Variants in ZCCHC14 observed in about 807,000 individuals in gnomAD.
ZCCHC14 encodes the protein zinc finger CCHC-type containing 14, also known as zinc finger CCHC domain-containing protein 14.
Under a neutral mutation model 85.0 loss-of-function variants are expected in ZCCHC14, and 16 were observed. The ratio of observed to expected loss-of-function variants is 0.19; its 90% CI spans 0.13 to 0.29. ZCCHC14 has a LOEUF of 0.29. ZCCHC14 is among the 10% of genes least tolerant of loss of function. The pLI is 1.00. For synonymous variants in ZCCHC14, 775 were observed against 630.7 expected (o/e 1.23, Z -3.43); for missense variants, 1,303 against 1,443.5 (o/e 0.90, Z 1.58).
At chr16:87,430,134 T>G (rs561016527) in intron 3 of ZCCHC14, among the ~76,000 whole-genome samples, 1 of 152,352 alleles carries the variant, frequency 6.6e-6, no homozygotes, top group Admixed American at 6.5e-5. Context: ...CTTCACCTAG[T>G]TTAAAATCAC....
intron 1 of ZCCHC14, among the ~76,000 whole-genome samples, chr16:87,464,786 A>G (rs1911443155): frequency 1.3e-5 from 2 of 152,072 alleles, no homozygotes; most frequent in South Asian, 2.1e-4. Flanking sequence ...TGTTTCCCAG[A>G]AATGCTGTTT....
At position 87,430,526 on chromosome 16, in the gene ZCCHC14, T is replaced by G. The variant is rs187327917; in HGVS notation, c.768+2602A>C. The stretch of plus-strand genomic sequence containing the variant: ...TATCACTTTAACTTGATTTCTTTCT[T>G]TTTTTTTTTTTTTGAGATGCAGTCT... On this transcript the variant is annotated intron_variant, in intron 3 of 12. Coordinates refer to ENST00000671377, the MANE Select transcript of ZCCHC14 (RefSeq NM_015144.3). Among the ~76,000 whole-genome samples the G allele has an allele frequency of 1.3e-3, 194 of 146,932 alleles. 1 individual carries two copies. The highest frequency in any genetic ancestry group is 4.6e-3 in the African/African-American group (189 of 40,694).
At chr16:87,441,747 T>C (rs1249552333) in intron 2 of ZCCHC14, among the ~76,000 whole-genome samples, 1 of 152,256 alleles carries the variant, frequency 6.6e-6, no homozygotes, top group Non-Finnish European at 1.5e-5. Context: ...GGCACTCTTA[T>C]AAAGTTGTTA....
intron 1 of ZCCHC14, among the ~76,000 whole-genome samples, chr16:87,484,524 T>C (rs931281012): frequency 7.9e-5 from 12 of 152,194 alleles, no homozygotes; most frequent in Admixed American, 5.9e-4. Context: ...AAGAACAGCA[T>C]GTATGTAAGA....
intron 1 of ZCCHC14, among the ~76,000 whole-genome samples, chr16:87,478,440 C>T (rs181226516): frequency 3.3e-5 from 5 of 152,140 alleles, no homozygotes; most frequent in Admixed American, 2.6e-4. Flanking sequence ...GGCCTGAGTT[C>T]TCACGTATGA....
chr16:87,483,482 C>A lies in ZCCHC14; in HGVS notation c.570+8187G>T, dbSNP rs373962853. Among the ~76,000 whole-genome samples the A allele has an allele frequency of 1.5e-3, 226 of 151,742 alleles. 3 individuals are homozygous for A. Among genetic ancestry groups the A allele is most frequent in the African/African-American group, 5.1e-3 (210 of 41,362 alleles). On this transcript the variant is annotated intron_variant, in intron 1 of 12. Transcript: ENST00000671377. ...CTCCAGCCTGGGTGACAGAGTGAGA[C>A]TCTGTCTCAAATAAAGTAAAAATTA...
chr16:87,469,215 A>G (rs1298118818), intron 1 of ZCCHC14, among the ~76,000 whole-genome samples: 2 of 152,188 alleles, frequency 1.3e-5, no homozygotes, highest in Non-Finnish European at 2.9e-5. Context: ...ACCCGGCTAT[A>G]ACCACCTTTT....
chr16:87,448,290 A>G (rs377461857), intron 2 of ZCCHC14, among the ~76,000 whole-genome samples: 1 of 152,186 alleles, frequency 6.6e-6, no homozygotes, highest in African/African-American at 2.4e-5. Flanking sequence ...GGCAAGTCCA[A>G]TGTTAGCCTG....
intron 2 of ZCCHC14, among the ~76,000 whole-genome samples, chr16:87,443,424 G>A (rs1027473466): frequency 6.6e-6 from 1 of 152,128 alleles, no homozygotes; most frequent in Non-Finnish European, 1.5e-5. Context: ...AGCTGAGTTG[G>A]GATCAGTAAA....
rs1316348979 is a variant in ZCCHC14, at chr16:87,410,337, TAGAG to T, written c.3206-6_3206-3del. On this transcript the variant is annotated splice_region_variant and splice_polypyrimidine_tract_variant and intron_variant, in intron 12 of 12. Coordinates refer to ENST00000671377, the MANE Select transcript of ZCCHC14 (RefSeq NM_015144.3). ...GGGCGTATTTCAACCTAAAAGTACC[TAGAG>T]AGAGGGGAAAAAAGAGGTCAAATTT... is the stretch of plus-strand genomic sequence containing the variant. The T allele has an allele frequency of 2.6e-6, 2 of 775,526 alleles. No individual in the cohort carries two copies. Among genetic ancestry groups the T allele is most frequent in the Admixed American group, 3.5e-5 (2 of 57,938 alleles). The allele number at this position is 775,526 out of a possible 1,614,324, so 48.0% of individuals were successfully genotyped here.
intron 1 of ZCCHC14, among the ~76,000 whole-genome samples, chr16:87,476,696 G>C (rs994669376): frequency 2.3e-5 from 3 of 131,720 alleles, no homozygotes; most frequent in Non-Finnish European, 4.6e-5. Context: ...TGGTGGAAAA[G>C]AAACAGAACA....
chr16:87,420,808 C>G lies in ZCCHC14; in HGVS notation c.841-92G>C. On this transcript the variant is annotated intron_variant, in intron 4 of 12. Transcript: ENST00000671377. This position sits in a 1 kb window ranked among gnomAD's most constrained non-coding sequence, Gnocchi z 5.0. ...TGCAGGAAAACCTGGGGCAGGTGCTCCATGGTGCCGCCTGCTGGTCTGATA... is the reference window on the plus strand; with the variant it reads ...TGCAGGAAAACCTGGGGCAGGTGCTGCATGGTGCCGCCTGCTGGTCTGATA... 1 of 1,050,094 alleles carries G rather than the reference C, an allele frequency of 9.5e-7. No homozygotes were observed. The highest frequency in any genetic ancestry group is 1.4e-6 in the Non-Finnish European group (1 of 721,674). The allele number at this position is 1,050,094 out of a possible 1,614,324, so 65.0% of individuals were successfully genotyped here. A position where few individuals can be genotyped will look rare whatever the true frequency, so the allele number is the denominator to read the frequency against.
intron 2 of ZCCHC14, among the ~76,000 whole-genome samples, chr16:87,435,401 G>A (rs565929889): frequency 2.6e-5 from 4 of 152,364 alleles, no homozygotes; most frequent in South Asian, 2.1e-4. Flanking sequence ...ACACCCGCCC[G>A]TCCGTGAGCA....
In ZCCHC14 at chr16:87,492,476, G is replaced by A. The variant is rs1024359788; in HGVS notation, c.-238C>T. 2.3e-4 allele frequency: 33 copies of A among 144,956 alleles called. No homozygotes were observed. Among genetic ancestry groups the A allele is most frequent in the Admixed American group, 1.5e-3 (22 of 14,654 alleles). 9.0% of individuals were successfully genotyped at this position (144,956 alleles called of 1,614,324 possible). On this transcript the variant is annotated 5_prime_UTR_variant, in exon 1 of 13. Coordinates refer to ENST00000671377, the MANE Select transcript of ZCCHC14 (RefSeq NM_015144.3). This position sits in a 1 kb window ranked among gnomAD's most constrained non-coding sequence, Gnocchi z 6.7. The stretch of plus-strand genomic sequence containing the variant: ...CGGGCGCGCGCGGGGCGCCGGGGGG[G>A]CCCGGGGCGGCCGGGGCGGCCGGGG...
chr16:87,461,429 T>C (rs1245451721), intron 1 of ZCCHC14, among the ~76,000 whole-genome samples: 1 of 152,232 alleles, frequency 6.6e-6, no homozygotes, highest in East Asian at 1.9e-4. Context: ...TTTCGGAGGA[T>C]ATGAGAGGCG....
At chr16:87,422,749 A>AG (rs942218971) in intron 4 of ZCCHC14, among the ~76,000 whole-genome samples, 5 of 152,032 alleles carry the variant, frequency 3.3e-5, no homozygotes, top group Admixed American at 1.3e-4. Context: ...GAAAAAAAAA[A>AG]CAAAACAAAA....
intron 2 of ZCCHC14, among the ~76,000 whole-genome samples, chr16:87,434,497 G>T (rs1457437030): frequency 6.6e-6 from 1 of 152,248 alleles, no homozygotes; most frequent in Non-Finnish European, 1.5e-5. Context: ...GCGTGCGACG[G>T]GGATGTCTGC....
intron 1 of ZCCHC14, chr16:87,473,201 G>A (rs1911852183): frequency 6.6e-6 from 1 of 151,468 alleles, no homozygotes; most frequent in South Asian, 2.1e-4. Context: ...TTTATCTACA[G>A]GACTTTTTTT....
At chr16:87,438,814 C>T (rs1483422284) in intron 2 of ZCCHC14, among the ~76,000 whole-genome samples, 2 of 152,200 alleles carry the variant, frequency 1.3e-5, no homozygotes, top group African/African-American at 4.8e-5. Context: ...CCTCCCGCTA[C>T]AGAGGAACAG....
Sources: allele counts gnomAD v4.1 joint callset (sites outside exome capture counted in the v4.1 genomes callset), GRCh38; gene constraint gnomAD v4.1.1; non-coding constraint Gnocchi (gnomAD v3.1); transcripts MANE v1.5; gene names NCBI Gene and HGNC (gene_info 2026-07-23, HGNC 2026-07-21).